Variants in LYRM4 observed in about 807,000 individuals in gnomAD.
LYRM4 encodes LYR motif containing 4, also known as LYR motif-containing protein 4.
A neutral mutation model predicts 11.7 loss-of-function variants in LYRM4; 9 were observed. The ratio of observed to expected loss-of-function variants is 0.77; its 90% confidence interval spans 0.46 to 1.34. The LOEUF is 1.34. LYRM4 is among the 40% of genes most tolerant of loss of function. The pLI, the probability that LYRM4 is intolerant of heterozygous loss-of-function variation, is 0.00. For synonymous variants in LYRM4, 42 were observed against 40.4 expected, an observed-to-expected ratio of 1.04 and a Z score of -0.15; for missense variants, 133 against 112.5, an observed-to-expected ratio of 1.18 and a Z score of -0.82.
At chr6:5,040,580 T>G in the LYRM4 span, among the ~76,000 whole-genome samples, 4 of 151,510 alleles carry the variant, frequency 2.6e-5, no homozygotes, top group East Asian at 7.7e-4. Flanking sequence ...GTTCCATAAA[T>G]GAGTTGAGTG....
chr6:5,229,249 C>T (rs761831354), intron 1 of LYRM4, among the ~76,000 whole-genome samples: 2 of 151,978 alleles, frequency 1.3e-5, no homozygotes, highest in Non-Finnish European at 2.9e-5. Flanking sequence ...AGAAGAGCCT[C>T]GTTTTGGACA....
intron 1 of LYRM4, among the ~76,000 whole-genome samples, chr6:5,223,984 C>T (rs1762735961): frequency 6.6e-6 from 1 of 152,212 alleles, no homozygotes; most frequent in Non-Finnish European, 1.5e-5. Flanking sequence ...TCATCTCTCC[C>T]ACTCCACCTA....
intron 1 of LYRM4, among the ~76,000 whole-genome samples, chr6:5,257,684 T>C (rs1205209016): frequency 1.3e-5 from 2 of 152,170 alleles, no homozygotes; most frequent in Non-Finnish European, 2.9e-5. Context: ...GAACTGTGCA[T>C]GTGAGTGATC....
At chr6:5,043,947 A>C in the LYRM4 span, among the ~76,000 whole-genome samples, 1 of 152,072 alleles carries the variant, frequency 6.6e-6, no homozygotes. Flanking sequence ...ATCACAAAAA[A>C]AGGCTCTTGT....
chr6:5,063,056 G>C, the LYRM4 span, among the ~76,000 whole-genome samples: 4 of 152,180 alleles, frequency 2.6e-5, no homozygotes, highest in Non-Finnish European at 5.9e-5. Flanking sequence ...CTTCCCATGA[G>C]TCATTTCCAT....
At chr6:5,163,107 T>C (rs891374998) in intron 2 of LYRM4, among the ~76,000 whole-genome samples, 1 of 152,232 alleles carries the variant, frequency 6.6e-6, no homozygotes, top group Non-Finnish European at 1.5e-5. Flanking sequence ...ATTTTTTCCT[T>C]TTATGGTTCA....
chr6:5,260,623 CG>C (rs1365371604), intron 1 of LYRM4, 24 bp downstream of exon 1: 3 of 1,520,700 alleles, frequency 2.0e-6, no homozygotes, highest in Non-Finnish European at 2.6e-6. Context: ...CCCCCGCCCC[CG>C]GCCCCCGGTG....
intron 2 of LYRM4, among the ~76,000 whole-genome samples, chr6:5,123,138 A>T (rs1307247332): frequency 6.6e-6 from 1 of 152,136 alleles, no homozygotes; most frequent in Non-Finnish European, 1.5e-5. Context: ...GAGAGGGAAA[A>T]ACATCGCCTT....
intron 2 of LYRM4, among the ~76,000 whole-genome samples, chr6:5,196,735 T>G (rs1347371087): frequency 6.6e-6 from 1 of 152,232 alleles, no homozygotes; most frequent in Non-Finnish European, 1.5e-5. Context: ...ATTTGGTTCT[T>G]TAACATAACT....
the LYRM4 span, among the ~76,000 whole-genome samples, chr6:5,092,727 TTCAG>T: frequency 6.6e-6 from 1 of 152,006 alleles, no homozygotes; most frequent in South Asian, 2.1e-4. Context: ...CAAAAAAAAA[TTCAG>T]TCAGTTTATG....
the LYRM4 span, among the ~76,000 whole-genome samples, chr6:5,092,195 T>A: frequency 6.6e-6 from 1 of 152,176 alleles, no homozygotes; most frequent in East Asian, 1.9e-4. Context: ...CTCTGGCAGA[T>A]GAGAATTTTA....
At chr6:5,221,203 A>G (rs1373843852) in intron 1 of LYRM4, among the ~76,000 whole-genome samples, 2 of 152,172 alleles carry the variant, frequency 1.3e-5, no homozygotes, top group African/African-American at 2.4e-5. Context: ...TCTAGGGCAC[A>G]TATGTGAACC....
chr6:5,099,391 C>CTCTATCATCTA (rs1762432652), downstream of LYRM4, among the ~76,000 whole-genome samples: 1 of 145,442 alleles, frequency 6.9e-6, no homozygotes, highest in African/African-American at 2.6e-5. This position sits in a 1 kb window ranked among gnomAD's most constrained non-coding sequence, Gnocchi z 4.3. Flanking sequence ...AAATCTATTT[C>CTCTATCATCTA]TCTATCTATC....
chr6:5,136,641 T>TCCCAGG (rs1757115772), intron 2 of LYRM4: 1 of 985,248 alleles, frequency 1.0e-6, no homozygotes, highest in African/African-American at 1.7e-5. Context: ...ATTTCAACAA[T>TCCCAGG]CCCAGGTGTT....
At chr6:5,066,525 T>A in the LYRM4 span, 9 of 808,140 alleles carry the variant, frequency 1.1e-5, no homozygotes, top group Non-Finnish European at 2.0e-5. Flanking sequence ...AGGATCTATT[T>A]TAAAGAAGTC....
At chr6:5,158,016 C>G (rs576814009) in intron 2 of LYRM4, among the ~76,000 whole-genome samples, 9 of 152,254 alleles carry the variant, frequency 5.9e-5, no homozygotes, top group African/African-American at 2.2e-4. Context: ...AACAACAACA[C>G]AAGCCACACA....
the LYRM4 span, among the ~76,000 whole-genome samples, chr6:5,070,534 A>G: frequency 3.3e-5 from 5 of 152,326 alleles, no homozygotes; most frequent in South Asian, 1.0e-3. Context: ...TATTACAAGT[A>G]TTGTCATAAG....
chr6:5,179,218 C>T (rs954729466), intron 2 of LYRM4, among the ~76,000 whole-genome samples: 3 of 151,902 alleles, frequency 2.0e-5, no homozygotes, highest in Admixed American at 6.6e-5. Flanking sequence ...CCAGAAGGAC[C>T]TATTCATGTA....
chr6:5,064,903 A>G, the LYRM4 span, among the ~76,000 whole-genome samples: 7 of 152,010 alleles, frequency 4.6e-5, no homozygotes, highest in East Asian at 1.4e-3. Context: ...ACTAAAGTCC[A>G]TAGTTTACAT....
Sources: allele counts gnomAD v4.1 joint callset (sites outside exome capture counted in the v4.1 genomes callset), GRCh38; gene constraint gnomAD v4.1.1; non-coding constraint Gnocchi (gnomAD v3.1); transcripts MANE v1.5; gene names NCBI Gene and HGNC (gene_info 2026-07-23, HGNC 2026-07-21).